The following NACC2 variants were observed in gnomAD, a reference collection of about 807,000 sequenced individuals.
NACC2 encodes NACC family member 2.
NACC2 carries 8 observed loss-of-function variants against 25.1 expected under a neutral mutation model. That is an observed-to-expected ratio of 0.32 (90% confidence interval 0.19 to 0.57). The LOEUF (loss-of-function observed/expected upper bound fraction) is 0.57. Ranked by LOEUF, NACC2 falls within the 20% of genes least tolerant of loss-of-function variation. The probability of loss-of-function intolerance (pLI) is 0.89; values close to 1 mark genes in which losing one functional copy is unlikely to be tolerated. For synonymous variants in NACC2, 435 were observed against 294.7 expected (o/e 1.48, Z -4.88); for missense variants, 644 against 650.2 (o/e 0.99, Z 0.10).
chr9:136,075,634 G>A (rs1456834473), intron 1 of NACC2, among the ~76,000 whole-genome samples: 1 of 152,228 alleles, frequency 6.6e-6, no homozygotes, highest in African/African-American at 2.4e-5. Context: ...AGCAGAGCCT[G>A]CAGGGCCCCC....
chr9:136,081,485 G>C (rs748479729), intron 1 of NACC2, among the ~76,000 whole-genome samples: 1 of 152,252 alleles, frequency 6.6e-6, no homozygotes, highest in Non-Finnish European at 1.5e-5. Flanking sequence ...AGGCGGTGCC[G>C]GGCGTCCGCT....
chr9:136,007,347 GCACA>G lies in NACC2; in HGVS notation c.*4165_*4168del, dbSNP rs138608019. 5.9e-4 allele frequency: 91 copies of G among 153,108 alleles called. No individual in the cohort carries two copies. Among genetic ancestry groups the G allele is most frequent in the East Asian group, 1.2e-3 (6 of 5,170 alleles). The allele number at this position is 153,108 out of a possible 1,614,324, so 9.5% of individuals were successfully genotyped here. ...CTCCGGTGGTGACGTGCACGCGCGT[GCACA>G]CACACAGACACACGCGTGCACACAT... On this transcript the variant is annotated 3_prime_UTR_variant, in exon 6 of 6. Coordinates refer to ENST00000277554, the MANE Select transcript of NACC2 (RefSeq NM_144653.5).
At position 136,077,743 on chromosome 9, in the gene NACC2, G is replaced by A. The variant is rs866689299; in HGVS notation, c.-60+17446C>T. ...CAAGGACTCTGGCCACCCCCACACC[G>A]GGGAGCAGGCAAGGGGGCAACAAAA... On this transcript the variant is annotated intron_variant, in intron 1 of 5. Coordinates refer to ENST00000277554, the MANE Select transcript of NACC2 (RefSeq NM_144653.5). Among the ~76,000 whole-genome samples, 7 of 152,188 alleles carry A rather than the reference G, an allele frequency of 4.6e-5. No individual in the cohort carries two copies. In the South Asian group the frequency reaches 8.3e-4, roughly 18 times the overall value.
Position 136,069,548 on chromosome 9 carries a change from AAAAACAAAAC to A in NACC2, c.-59-18978_-59-18969del, listed in dbSNP as rs377428585. ...TGGGTGAAAGAGTGAAACTCTGTCA[AAAAACAAAAC>A]AAAACAAAACAAAACAAAACAAAAA... On this transcript the variant is annotated intron_variant, in intron 1 of 5. Transcript: ENST00000277554. Among the ~76,000 whole-genome samples, 110 of 151,140 alleles carry A rather than the reference AAAAACAAAAC, an allele frequency of 7.3e-4. 4 individuals carry two copies. The highest frequency in any genetic ancestry group is 3.4e-3 in the Middle Eastern group (1 of 294).
At chr9:136,050,864 G>T (rs904710265) in intron 1 of NACC2, among the ~76,000 whole-genome samples, 15 of 152,088 alleles carry the variant, frequency 9.9e-5, no homozygotes, top group African/African-American at 3.4e-4. Context: ...TGCTCTTAGC[G>T]ACTCGGTCTC....
chr9:136,049,401 C>T (rs2131161653), intron 2 of NACC2, among the ~76,000 whole-genome samples: 1 of 152,334 alleles, frequency 6.6e-6, no homozygotes, highest in Non-Finnish European at 1.5e-5. Context: ...CTCATCTATC[C>T]AGTGGAGACA....
chr9:136,024,128 G>A (rs896296838), intron 2 of NACC2, among the ~76,000 whole-genome samples: 2 of 151,228 alleles, frequency 1.3e-5, no homozygotes, highest in African/African-American at 4.9e-5. Flanking sequence ...GAGGGTGCGT[G>A]TGAGGACAGT....
intron 1 of NACC2, among the ~76,000 whole-genome samples, chr9:136,052,533 C>G (rs1840861789): frequency 6.6e-6 from 1 of 152,078 alleles, no homozygotes; most frequent in African/African-American, 2.4e-5. Context: ...AAACGGCAGG[C>G]AGTGGGTGGG....
At chr9:136,051,947 G>C in intron 1 of NACC2, among the ~76,000 whole-genome samples, 1 of 151,968 alleles carries the variant, frequency 6.6e-6, no homozygotes, top group Non-Finnish European at 1.5e-5. Flanking sequence ...AGGGCAGAGC[G>C]CCTGGGCGCT....
At chr9:136,087,342 C>G (rs1042390467) in intron 1 of NACC2, among the ~76,000 whole-genome samples, 6 of 152,332 alleles carry the variant, frequency 3.9e-5, no homozygotes, top group Admixed American at 2.0e-4. Flanking sequence ...TACCCTGCCC[C>G]CCTCCAACAC....
chr9:136,024,487 T>A (rs1441939750), intron 2 of NACC2, among the ~76,000 whole-genome samples: 6 of 113,726 alleles, frequency 5.3e-5, no homozygotes, highest in Non-Finnish European at 7.3e-5. Context: ...GTGAGGACAG[T>A]GTGTGTGAGG....
intron 2 of NACC2, among the ~76,000 whole-genome samples, chr9:136,043,917 C>T (rs974468380): frequency 6.6e-6 from 1 of 152,118 alleles, no homozygotes; most frequent in African/African-American, 2.4e-5. Context: ...CCTCTGCCTC[C>T]TTGTTCAAGT....
chr9:136,066,051 G>T (rs555677558), intron 1 of NACC2, among the ~76,000 whole-genome samples: 1 of 152,034 alleles, frequency 6.6e-6, no homozygotes, highest in African/African-American at 2.4e-5. Context: ...AAACTAGCCG[G>T]GTGTGGTGGT....
intron 1 of NACC2, among the ~76,000 whole-genome samples, chr9:136,057,046 G>A (rs1840935343): frequency 6.6e-6 from 1 of 152,204 alleles, no homozygotes; most frequent in African/African-American, 2.4e-5. Flanking sequence ...GCCTCCAGCA[G>A]CCAGTACCTC....
chr9:136,073,876 C>T (rs1186215770), intron 1 of NACC2, among the ~76,000 whole-genome samples: 1 of 152,192 alleles, frequency 6.6e-6, no homozygotes, highest in Non-Finnish European at 1.5e-5. Context: ...CTTGGAGTAT[C>T]TGGTCTGCCC....
rs1257115591 is a variant in NACC2 at position 136,053,728 on chromosome 9, T to A, written c.-59-3148A>T. ...GGAGCCTCCCAGAGAGCCCGTGGCT[T>A]CTGTTGTGGGCAACTTCGCCCCAAG... On this transcript the variant is annotated intron_variant, in intron 1 of 5. Transcript: ENST00000277554. Among the ~76,000 whole-genome samples the A allele has an allele frequency of 5.9e-5, 9 of 152,328 alleles. No individual in the cohort carries two copies. The East Asian group carries it at 1.4e-3, about 23-fold the overall frequency.
chr9:136,040,804 C>CA (rs1840616146), intron 2 of NACC2, among the ~76,000 whole-genome samples: 1 of 151,706 alleles, frequency 6.6e-6, no homozygotes, highest in African/African-American at 2.4e-5. Flanking sequence ...TACAAAAACG[C>CA]AAAAAAATTA....
intron 2 of NACC2, among the ~76,000 whole-genome samples, chr9:136,021,887 A>T (rs915187125): frequency 7.9e-5 from 12 of 152,222 alleles, no homozygotes; most frequent in African/African-American, 2.9e-4. Flanking sequence ...TTGTCCAGGA[A>T]ACTAAACTTG....
rs1840303402 is a variant in NACC2 at position 136,022,143 on chromosome 9, C to T, written c.887-5714G>A. 6.6e-6 allele frequency among the ~76,000 whole-genome samples: 1 copy of T among 152,208 alleles called. No homozygotes were observed. Among genetic ancestry groups the T allele is most frequent in the South Asian group, 2.1e-4 (1 of 4,832 alleles). ...GCTTGGCACAGACCAGCTCTGGCAA[C>T]CTGTGAGGGACACTTGTGAACTTGG... On this transcript the variant is annotated intron_variant, in intron 2 of 5. Transcript: ENST00000277554. The surrounding 1 kb of genome is among the most constrained non-coding windows in gnomAD (Gnocchi z 4.4).
Sources: allele counts gnomAD v4.1 joint callset (sites outside exome capture counted in the v4.1 genomes callset), GRCh38; gene constraint gnomAD v4.1.1; non-coding constraint Gnocchi (gnomAD v3.1); transcripts MANE v1.5; gene names NCBI Gene and HGNC (gene_info 2026-07-23, HGNC 2026-07-21).